ME2: variants seen among roughly 807,000 people sequenced by gnomAD.
ME2 encodes the protein malic enzyme 2, also known as NAD-dependent malic enzyme, mitochondrial.
In ME2, 60 loss-of-function variants were observed where a neutral mutation model predicts 73.7. The observed-to-expected ratio is 0.81, with a 90% CI of 0.66 to 1.01. The LOEUF (loss-of-function observed/expected upper bound fraction) is 1.01. Among genes scored for constraint, ME2 ranks in the 50% least tolerant of loss-of-function variants. The probability of loss-of-function intolerance (pLI) is 0.00; values close to 1 mark genes in which losing one functional copy is unlikely to be tolerated. For missense variants in ME2, 594 were observed against 705.5 expected, an observed-to-expected ratio of 0.84 and a Z score of 1.79; for synonymous variants, 199 against 236.9, an observed-to-expected ratio of 0.84 and a Z score of 1.47.
At chr18:50,879,831 A>G (rs1795617180) in intron 1 of ME2, among the ~76,000 whole-genome samples, 1 of 152,200 alleles carries the variant, frequency 6.6e-6, no homozygotes, top group African/African-American at 2.4e-5. Context: ...TCCGTCTATT[A>G]TTAAATGCCA....
At position 50,881,793 on chromosome 18, in the gene ME2, A is replaced by C. The variant is rs193023973; in HGVS notation, c.-13+2485A>C. Among the ~76,000 whole-genome samples the C allele has an allele frequency of 3.2e-3, 489 of 152,344 alleles. 7 individuals carry two copies. Among genetic ancestry groups the C allele is most frequent in the Non-Finnish European group, 1.5e-3 (101 of 68,038 alleles). ...CCTTAGTCTACAACTACTAATAGTA[A>C]TGCTTATGATAACTAGCCTTTCTAG... is the stretch of plus-strand genomic sequence containing the variant. On this transcript the variant is annotated intron_variant, in intron 1 of 15. Coordinates refer to ENST00000321341, the MANE Select transcript of ME2 (RefSeq NM_002396.5).
At chr18:50,909,060 TCTC>T (rs1917086949) in intron 3 of ME2, among the ~76,000 whole-genome samples, 1 of 151,896 alleles carries the variant, frequency 6.6e-6, no homozygotes, top group Admixed American at 6.6e-5. Flanking sequence ...CTCAAGCAGT[TCTC>T]CTACCTCAGC....
At position 50,916,356 on chromosome 18, in the gene ME2, A is replaced by G. The variant is rs1599107195; in HGVS notation, c.468+113A>G. 1.3e-5 allele frequency: 10 copies of G among 776,392 alleles called. No individual in the cohort carries two copies. The East Asian group carries it at 2.6e-4, about 20-fold the overall frequency. The allele number at this position is 776,392 out of a possible 1,614,324, so 48.1% of individuals were successfully genotyped here. On this transcript the variant is annotated intron_variant, in intron 5 of 15. Transcript: ENST00000321341. ...GCTCTCATTTATTTTGCACTTATAT[A>G]CATGCAGATTTAGTGCTTTGCAGCT...
At chr18:50,884,846 G>GTGTT (rs1189706452) in intron 1 of ME2, among the ~76,000 whole-genome samples, 5 of 7,058 alleles carry the variant, frequency 7.1e-4, no homozygotes, top group Admixed American at 3.6e-3. Flanking sequence ...GTGTGTTTGT[G>GTGTT]TGTGTGTGTG....
At chr18:50,911,837 TAAG>T (rs1351282190) in intron 3 of ME2, among the ~76,000 whole-genome samples, 5 of 152,128 alleles carry the variant, frequency 3.3e-5, no homozygotes, top group Non-Finnish European at 7.3e-5. Context: ...GGAAGCGACT[TAAG>T]GAGAACAGAA....
At chr18:50,926,877 A>G (rs1008138254) in intron 12 of ME2, among the ~76,000 whole-genome samples, 1 of 152,224 alleles carries the variant, frequency 6.6e-6, no homozygotes, top group Non-Finnish European at 1.5e-5. Context: ...ACTTAAAATC[A>G]TGTACTGTAG....
At chr18:50,898,951 C>T (rs1257046439) in intron 2 of ME2, among the ~76,000 whole-genome samples, 2 of 152,134 alleles carry the variant, frequency 1.3e-5, no homozygotes, top group African/African-American at 4.8e-5. Context: ...TCCTTTTCTC[C>T]CCATGCTCAT....
chr18:50,940,419 T>A (rs750109381), intron 15 of ME2, 33 bp downstream of exon 15: 2 of 1,280,802 alleles, frequency 1.6e-6, no homozygotes, highest in Admixed American at 4.1e-5. Flanking sequence ...TCACATTAAT[T>A]TTAATGACAT....
chr18:50,933,172 A>T (rs896604157), intron 13 of ME2: 1 of 152,136 alleles, frequency 6.6e-6, no homozygotes, highest in Non-Finnish European at 1.5e-5. Context: ...GATTCCTTTC[A>T]ATGTTTCTGC....
chr18:50,904,300 A>G (rs1916961571), intron 2 of ME2, among the ~76,000 whole-genome samples: 1 of 141,956 alleles, frequency 7.0e-6, no homozygotes, highest in Non-Finnish European at 1.5e-5. Context: ...TTTTTCTGGG[A>G]CAGAGTCTCA....
At position 50,879,120 on chromosome 18, in the gene ME2, C is replaced by G. The variant is rs975959365; in HGVS notation, c.-201C>G. 6.6e-6 allele frequency: 1 copy of G among 152,296 alleles called. No individual in the cohort carries two copies. Among genetic ancestry groups the G allele is most frequent in the Non-Finnish European group, 1.5e-5 (1 of 68,106 alleles). The allele number at this position is 152,296 out of a possible 1,614,324, so 9.4% of individuals were successfully genotyped here. ...GCCGGCTCCTCGCGCCCTCCCCTCT[C>G]TCGGCCGCTCTTCGGGCCGCCTCTG... is the stretch of plus-strand genomic sequence containing the variant. On this transcript the variant is annotated 5_prime_UTR_variant, in exon 1 of 16. Coordinates refer to ENST00000321341, the MANE Select transcript of ME2 (RefSeq NM_002396.5).
chr18:50,910,476 G>A (rs1184876604), intron 3 of ME2, among the ~76,000 whole-genome samples: 2 of 151,304 alleles, frequency 1.3e-5, no homozygotes, highest in African/African-American at 4.9e-5. Flanking sequence ...CTAAACAAGA[G>A]CAGGTTAAAG....
intron 15 of ME2, chr18:50,942,781 C>T (rs1228617310): frequency 7.1e-6 from 2 of 280,806 alleles, no homozygotes; most frequent in East Asian, 1.1e-4. Context: ...TATGAATTTA[C>T]TTGATGACCA....
intron 10 of ME2, among the ~76,000 whole-genome samples, chr18:50,921,795 C>T (rs1318563574): frequency 6.6e-6 from 1 of 151,990 alleles, no homozygotes; most frequent in Admixed American, 6.6e-5. Flanking sequence ...GGACCCTATC[C>T]CCAGGAAAAA....
chr18:50,898,113 A>T (rs1015345427), intron 2 of ME2, among the ~76,000 whole-genome samples: 1 of 152,202 alleles, frequency 6.6e-6, no homozygotes, highest in Non-Finnish European at 1.5e-5. Flanking sequence ...TATACTTAAT[A>T]ACTTTTCACA....
chr18:50,941,799 C>A (rs1476570886), intron 15 of ME2, among the ~76,000 whole-genome samples: 1 of 151,520 alleles, frequency 6.6e-6, no homozygotes, highest in Non-Finnish European at 1.5e-5. Context: ...ATTTACATTG[C>A]AGCAATTAGA....
chr18:50,919,683 A>T (rs925053095), intron 7 of ME2, among the ~76,000 whole-genome samples: 9 of 152,026 alleles, frequency 5.9e-5, no homozygotes, highest in Non-Finnish European at 1.3e-4. Flanking sequence ...GTCTCCCCAC[A>T]CCAATATGAG....
intron 3 of ME2, among the ~76,000 whole-genome samples, chr18:50,908,419 C>A (rs73434469): frequency 0.11 from 17,073 of 152,110 alleles, 1,215 homozygotes; most frequent in African/African-American, 0.2. Context: ...ACAGTCAGAG[C>A]AATTCAGGTT....
chr18:50,918,359 G>C (rs954164242), intron 7 of ME2, 146 bp downstream of exon 7: 1 of 527,130 alleles, frequency 1.9e-6, no homozygotes, highest in Non-Finnish European at 3.4e-6. Context: ...GTTCTGCCTG[G>C]CTGTTTCTGC....
Sources: allele counts gnomAD v4.1 joint callset (sites outside exome capture counted in the v4.1 genomes callset), GRCh38; gene constraint gnomAD v4.1.1; transcripts MANE v1.5; gene names NCBI Gene and HGNC (gene_info 2026-07-23, HGNC 2026-07-21).